The following PIWIL4 variants were observed in gnomAD, a reference collection of about 807,000 sequenced individuals.
PIWIL4 encodes the protein piwi-like protein 4.
PIWIL4 carries 50 observed loss-of-function variants against 100.9 expected under a neutral mutation model. That is an observed-to-expected ratio of 0.50 (90% CI 0.39 to 0.63). The LOEUF (loss-of-function observed/expected upper bound fraction) is 0.63. Ranked by LOEUF, PIWIL4 falls within the 20% of genes least tolerant of loss-of-function variation. The pLI is 0.00. For synonymous variants in PIWIL4, 342 were observed against 367.5 expected (o/e 0.93, Z 0.79); for missense variants, 887 against 1,043.3 (o/e 0.85, Z 2.06).
At chr11:94,607,075 G>A (rs1948730598) in intron 13 of PIWIL4, among the ~76,000 whole-genome samples, 1 of 152,140 alleles carries the variant, frequency 6.6e-6, no homozygotes, top group East Asian at 1.9e-4. Flanking sequence ...AAGGATCACT[G>A]CAAAGTTGGG....
chr11:94,608,474 C>A, intron 14 of PIWIL4, 109 bp from the exon 15 acceptor site: 1 of 897,988 alleles, frequency 1.1e-6, no homozygotes, highest in Non-Finnish European at 1.8e-6. Context: ...CATAGCTTAA[C>A]TTTAAGAATT....
chr11:94,621,170 T>C lies in PIWIL4; in HGVS notation c.*178T>C, dbSNP rs375357411. ...ACAGTTTTAAAAAATGTGTGTTATTTTGTTTTAAAGAGTTGTATGCTTGGG... is the reference window on the plus strand; with the variant it reads ...ACAGTTTTAAAAAATGTGTGTTATTCTGTTTTAAAGAGTTGTATGCTTGGG... On this transcript the variant is annotated 3_prime_UTR_variant, in exon 20 of 20. Transcript: ENST00000299001. 1.3e-4 allele frequency: 73 copies of C among 550,166 alleles called. No individual in the cohort carries two copies. The highest frequency in any genetic ancestry group is 9.9e-4 in the East Asian group (34 of 34,490). The allele number at this position is 550,166 out of a possible 1,614,324, so 34.1% of individuals were successfully genotyped here. A position where few individuals can be genotyped will look rare whatever the true frequency, so the allele number is the denominator to read the frequency against.
intron 11 of PIWIL4, among the ~76,000 whole-genome samples, chr11:94,599,620 G>A (rs926202977): frequency 2.0e-5 from 3 of 152,192 alleles, no homozygotes; most frequent in African/African-American, 7.2e-5. Context: ...TTGCTCTCAG[G>A]CCGAGGTAGG....
At chr11:94,592,133 AC>A (rs1465537355) in intron 8 of PIWIL4, among the ~76,000 whole-genome samples, 8 of 151,370 alleles carry the variant, frequency 5.3e-5, no homozygotes, top group Non-Finnish European at 8.8e-5. Context: ...TTTCCTCCCC[AC>A]CCCTCCCACT....
At chr11:94,587,524 G>A (rs1049781317) in intron 7 of PIWIL4, among the ~76,000 whole-genome samples, 1 of 152,186 alleles carries the variant, frequency 6.6e-6, no homozygotes, top group Admixed American at 6.5e-5. Flanking sequence ...GCATGCTTCA[G>A]TTCAGTTCAA....
chr11:94,618,272 G>T (rs920010278), intron 17 of PIWIL4, among the ~76,000 whole-genome samples, 165 bp downstream of exon 17: 1 of 152,158 alleles, frequency 6.6e-6, no homozygotes, highest in African/African-American at 2.4e-5. Context: ...CAGATTGGAG[G>T]GTAGTTGGGA....
chr11:94,607,353 A>G, intron 13 of PIWIL4, 86 bp from the exon 14 acceptor site: 2 of 1,221,788 alleles, frequency 1.6e-6, no homozygotes, highest in Non-Finnish European at 2.3e-6. Flanking sequence ...TGTTTGGAGA[A>G]TAATTCATGA....
At chr11:94,620,820 T>A in intron 19 of PIWIL4, 56 bp from the exon 20 acceptor site, 1 of 1,352,864 alleles carries the variant, frequency 7.4e-7, no homozygotes, top group East Asian at 2.3e-5. Flanking sequence ...TCAGAAAAAA[T>A]CTCTTTGAAG....
At position 94,619,808 on chromosome 11, in the gene PIWIL4, C is replaced by G. The variant is rs1461827890; in HGVS notation, c.2217C>G (p.Phe739Leu). The G allele has an allele frequency of 3.1e-6, 5 of 1,614,172 alleles. No homozygotes were observed. The highest frequency in any genetic ancestry group is 4.2e-6 in the Non-Finnish European group (5 of 1,180,032). ...TCAGGAAGAAGTGCATGCCACGATTCTTTACCGAAATGAACCGCACTGTAC... is the reference window on the plus strand; with the variant it reads ...TCAGGAAGAAGTGCATGCCACGATTGTTTACCGAAATGAACCGCACTGTAC... ...IVVRKKCMPR[F>L]FTEMNRTVQN... The change falls in exon 18 of 20, where the codon TTC (phenylalanine) becomes TTG (leucine). Residue 739 changes from phenylalanine (F) to leucine (L), a missense_variant. By Grantham distance (22) the Phe-to-Leu change is conservative. Transcript: ENST00000299001.
chr11:94,594,200 C>T (rs1239781737), intron 9 of PIWIL4, among the ~76,000 whole-genome samples: 2 of 152,232 alleles, frequency 1.3e-5, no homozygotes, highest in Non-Finnish European at 2.9e-5. Context: ...GGCGTGGTGG[C>T]TCACACCTGT....
chr11:94,605,504 C>T (rs921494207), intron 13 of PIWIL4, among the ~76,000 whole-genome samples: 5 of 152,138 alleles, frequency 3.3e-5, no homozygotes, highest in Non-Finnish European at 5.9e-5. Flanking sequence ...GACATCTGCC[C>T]GATTTCTCCA....
intron 17 of PIWIL4, among the ~76,000 whole-genome samples, chr11:94,619,421 T>G (rs1188409007): frequency 6.6e-6 from 1 of 152,108 alleles, no homozygotes; most frequent in Non-Finnish European, 1.5e-5. Flanking sequence ...GTTGAGTCAC[T>G]AATCACACAC....
chr11:94,590,547 C>A (rs1255613307), intron 8 of PIWIL4, among the ~76,000 whole-genome samples: 1 of 152,192 alleles, frequency 6.6e-6, no homozygotes, highest in Non-Finnish European at 1.5e-5. Context: ...ATATTCATCT[C>A]CATTTCCAGA....
chr11:94,598,871 C>T (rs563273461), intron 11 of PIWIL4, among the ~76,000 whole-genome samples: 1 of 152,174 alleles, frequency 6.6e-6, no homozygotes, highest in African/African-American at 2.4e-5. Flanking sequence ...CCATGCTCAG[C>T]TAATTTTTGT....
In PIWIL4 at chr11:94,612,818, C is replaced by T. The variant is rs146706949; in HGVS notation, c.1944-3675C>T. On this transcript the variant is annotated intron_variant, in intron 15 of 19. Coordinates refer to ENST00000299001, the MANE Select transcript of PIWIL4 (RefSeq NM_152431.3). ...CACATACAAAAACTCCTCACTTTTACTTTCTCCCCTACATTTTATGTTTTA... is the reference window on the plus strand; with the variant it reads ...CACATACAAAAACTCCTCACTTTTATTTTCTCCCCTACATTTTATGTTTTA... Among the ~76,000 whole-genome samples the T allele has an allele frequency of 3.9e-5, 6 of 152,234 alleles. No homozygotes were observed. In the East Asian group the frequency reaches 1.2e-3, roughly 29 times the overall value.
intron 16 of PIWIL4, 58 bp from the exon 17 acceptor site, chr11:94,617,896 T>C: frequency 6.4e-7 from 1 of 1,561,860 alleles, no homozygotes; most frequent in Non-Finnish European, 8.8e-7. Flanking sequence ...TATGGGAATG[T>C]TATTTTTTGT....
At chr11:94,572,448 C>G (rs1188425337) in intron 2 of PIWIL4, among the ~76,000 whole-genome samples, 1 of 152,162 alleles carries the variant, frequency 6.6e-6, no homozygotes, top group Non-Finnish European at 1.5e-5. Flanking sequence ...TTTAATCCAT[C>G]TTGAATTAAT....
chr11:94,620,930 G>T lies in PIWIL4; in HGVS notation c.2497G>T (p.Val833Leu), dbSNP rs780246895. 2 of 1,613,602 alleles carry T rather than the reference G, an allele frequency of 1.2e-6. No homozygotes were observed. Among genetic ancestry groups the T allele is most frequent in the Non-Finnish European group, 1.7e-6 (2 of 1,179,966 alleles). Residue 833 changes from valine (V) to leucine (L), a missense_variant, in exon 20 of 20, where the codon GTG becomes TTG. Val to Leu is a conservative substitution (Grantham distance 32). This residue lies in a region of PIWIL4 where 741 missense variants were observed against 930.0 expected (regional missense o/e 0.80). Transcript: ENST00000299001. ...GTATGCTCACAAGCTGACCTTTCTG[G>T]TGGCACAAAGCATTCATAAAGAACC... ...CQYAHKLTFL[V>L]AQSIHKEPSL...
At chr11:94,606,159 C>T (rs1327289559) in intron 13 of PIWIL4, among the ~76,000 whole-genome samples, 1 of 152,178 alleles carries the variant, frequency 6.6e-6, no homozygotes, top group African/African-American at 2.4e-5. Context: ...CGCATACCTG[C>T]TTACTTGTCC....
Sources: gnomAD v4.1 joint callset for allele counts (sites outside exome capture counted in the v4.1 genomes callset) on GRCh38, gnomAD v4.1.1 for gene constraint, gnomAD v4.1.1 regional missense constraint, MANE v1.5 for transcripts, NCBI Gene and HGNC (gene_info 2026-07-23, HGNC 2026-07-21) for gene names.